SDK2: variants seen among roughly 807,000 people sequenced by gnomAD.
SDK2 encodes the protein protein sidekick-2.
In SDK2, 105 loss-of-function variants were observed where a neutral mutation model predicts 253.9. That is an observed-to-expected ratio of 0.41 (90% confidence interval 0.35 to 0.49). SDK2 has a LOEUF of 0.49. SDK2 is among the 20% of genes least tolerant of loss of function. The pLI, the probability that SDK2 is intolerant of heterozygous loss-of-function variation, is 0.06. For missense variants in SDK2, 2,608 were observed against 3,003.0 expected, an observed-to-expected ratio of 0.87 and a Z score of 3.07; for synonymous variants, 1,249 against 1,234.9, an observed-to-expected ratio of 1.01 and a Z score of -0.24.
intron 1 of SDK2, among the ~76,000 whole-genome samples, chr17:73,549,296 C>T (rs1402805626): frequency 1.3e-5 from 2 of 152,186 alleles, no homozygotes; most frequent in Non-Finnish European, 2.9e-5. Flanking sequence ...CAGCTGCCAG[C>T]CACCTGGGCT....
At chr17:73,417,240 C>T (rs2063190159) in intron 16 of SDK2, among the ~76,000 whole-genome samples, 1 of 69,080 alleles carries the variant, frequency 1.4e-5, no homozygotes, top group Admixed American at 1.8e-4. Context: ...CTTGTCTCTA[C>T]TAAAAAAAAA....
At chr17:73,349,852 C>T (rs2145393162) in intron 43 of SDK2, among the ~76,000 whole-genome samples, 1 of 152,306 alleles carries the variant, frequency 6.6e-6, no homozygotes, top group African/African-American at 2.4e-5. Context: ...GCCTGTCTTG[C>T]CTTTGGGGCC....
chr17:73,396,196 C>T (rs932175312), intron 24 of SDK2, among the ~76,000 whole-genome samples: 2 of 152,198 alleles, frequency 1.3e-5, no homozygotes, highest in African/African-American at 4.8e-5. Context: ...TTGTTTGAGT[C>T]TCACAGAAAA....
chr17:73,580,095 G>A (rs1019912229), intron 1 of SDK2, among the ~76,000 whole-genome samples: 1 of 152,032 alleles, frequency 6.6e-6, no homozygotes, highest in African/African-American at 2.4e-5. Flanking sequence ...AAAGCGACCT[G>A]AAGACACCTT....
At chr17:73,392,907 T>C (rs2062939831) in intron 27 of SDK2, among the ~76,000 whole-genome samples, 1 of 152,134 alleles carries the variant, frequency 6.6e-6, no homozygotes, top group African/African-American at 2.4e-5. Flanking sequence ...GGAAAAATAC[T>C]TTCACAGACC....
chr17:73,628,205 C>T (rs2046226559), intron 1 of SDK2, among the ~76,000 whole-genome samples: 1 of 152,264 alleles, frequency 6.6e-6, no homozygotes, highest in African/African-American at 2.4e-5. Context: ...ATATGGCCTC[C>T]TCAGGAGCAC....
At chr17:73,493,177 T>C (rs747406461) in intron 2 of SDK2, among the ~76,000 whole-genome samples, 9 of 152,130 alleles carry the variant, frequency 5.9e-5, no homozygotes, top group Non-Finnish European at 1.3e-4. Context: ...CCCATGTCTG[T>C]GCACCCGTTA....
rs571026413 is a variant in SDK2 at position 73,530,313 on chromosome 17, G to A, written c.65-22716C>T. Among the ~76,000 whole-genome samples, 3 of 152,294 alleles carry A rather than the reference G, an allele frequency of 2.0e-5. No individual in the cohort carries two copies. In the South Asian group the frequency reaches 6.2e-4, roughly 32 times the overall value. ...TGGCAGAAGGCGAAGGGGAAGCAAG[G>A]CACGTCTTACATGGTAGCAGGAGAG... On this transcript the variant is annotated intron_variant, in intron 1 of 44. Coordinates refer to ENST00000392650, the MANE Select transcript of SDK2 (RefSeq NM_001144952.2).
Position 73,387,205 on chromosome 17 carries a change from C to T in SDK2, c.4394+631G>A, listed in dbSNP as rs567648377. On this transcript the variant is annotated intron_variant, in intron 30 of 44. Transcript: ENST00000392650. ...AAACTCCTGACCTCAAGTGATCCTC[C>T]CGCCTCGGCCTCCCAAAGTGCTGGG... is the stretch of plus-strand genomic sequence containing the variant. Among the ~76,000 whole-genome samples, 601 of 152,342 alleles carry T rather than the reference C, an allele frequency of 3.9e-3. 3 individuals carry two copies. The highest frequency in any genetic ancestry group is 6.8e-3 in the Non-Finnish European group (462 of 68,038).
intron 39 of SDK2, among the ~76,000 whole-genome samples, chr17:73,360,158 G>T (rs1202144327): frequency 6.6e-6 from 1 of 152,206 alleles, no homozygotes; most frequent in Non-Finnish European, 1.5e-5. Flanking sequence ...CAGGAAGCTG[G>T]CTCAGGTGAG....
chr17:73,412,221 C>A (rs1299907097), intron 18 of SDK2, among the ~76,000 whole-genome samples: 1 of 148,294 alleles, frequency 6.7e-6, no homozygotes, highest in Non-Finnish European at 1.5e-5. Flanking sequence ...TATGCATATA[C>A]ACATATACAT....
rs146229407 is a variant in SDK2 at position 73,395,078 on chromosome 17, G to A, written c.3592+77C>T. The A allele has an allele frequency of 2.5e-5, 28 of 1,134,386 alleles. No homozygotes were observed. The highest frequency in any genetic ancestry group is 3.3e-5 in the Non-Finnish European group (26 of 795,080). The allele number at this position is 1,134,386 out of a possible 1,614,324, so 70.3% of individuals were successfully genotyped here. A position where few individuals can be genotyped will look rare whatever the true frequency, so the allele number is the denominator to read the frequency against. ...TTGAACAACACCTTCAGCCTGGCAC[G>A]CGCTTGGATGACCCTGAGGGCATAG... On this transcript the variant is annotated intron_variant, in intron 25 of 44. Transcript: ENST00000392650. The surrounding 1 kb of genome is among the most constrained non-coding windows in gnomAD (Gnocchi z 4.3).
In SDK2 at chr17:73,618,202, C is replaced by T. The variant is rs932833782; in HGVS notation, c.64+25823G>A. On this transcript the variant is annotated intron_variant, in intron 1 of 44. Transcript: ENST00000392650. This position sits in a 1 kb window ranked among gnomAD's most constrained non-coding sequence, Gnocchi z 4.1. ...TGCTAACCCAAACCCATTCATTAGC[C>T]TGTAAATGACGCAGCTCTTATACCT... is the stretch of plus-strand genomic sequence containing the variant. Among the ~76,000 whole-genome samples, 2 of 152,214 alleles carry T rather than the reference C, an allele frequency of 1.3e-5. No individual in the cohort carries two copies. The highest frequency in any genetic ancestry group is 4.8e-5 in the African/African-American group (2 of 41,450).
At chr17:73,480,886 C>T (rs2063718574) in intron 2 of SDK2, among the ~76,000 whole-genome samples, 1 of 152,206 alleles carries the variant, frequency 6.6e-6, no homozygotes, top group African/African-American at 2.4e-5. Context: ...ACAGCCAGGG[C>T]ACCTCAGGAA....
intron 2 of SDK2, among the ~76,000 whole-genome samples, chr17:73,497,143 C>T (rs981514600): frequency 9.9e-5 from 15 of 152,204 alleles, no homozygotes; most frequent in Admixed American, 5.9e-4. Context: ...GGTGATCCAC[C>T]CACCTTGGCC....
chr17:73,509,427 GAC>G, intron 1 of SDK2, among the ~76,000 whole-genome samples: 1 of 152,114 alleles, frequency 6.6e-6, no homozygotes, highest in African/African-American at 2.4e-5. Context: ...ATCTTGGTCA[GAC>G]AGCTAACTTT....
Position 73,350,638 on chromosome 17 carries a change from C to T in SDK2, c.5899+12G>A. ...CAAGTCCAGCCAGCATGGCTGGTGC[C>T]AGCTCACTCACCCGAGTCTGTCTTC... On this transcript the variant is annotated intron_variant, in intron 42 of 44. Transcript: ENST00000392650. 6.2e-7 allele frequency: 1 copy of T among 1,607,504 alleles called. No individual in the cohort carries two copies.
chr17:73,553,542 T>G (rs2045096675), intron 1 of SDK2, among the ~76,000 whole-genome samples: 1 of 152,094 alleles, frequency 6.6e-6, no homozygotes, highest in African/African-American at 2.4e-5. Context: ...GGAGCTGCCC[T>G]CTCAGAAGCC....
chr17:73,572,632 T>C (rs1043455931), intron 1 of SDK2, among the ~76,000 whole-genome samples: 4 of 152,188 alleles, frequency 2.6e-5, no homozygotes, highest in African/African-American at 9.7e-5. Context: ...TCTGTTTTTG[T>C]CTCATCTCCA....
Sources: gnomAD v4.1 joint callset for allele counts (sites outside exome capture counted in the v4.1 genomes callset) on GRCh38, gnomAD v4.1.1 for gene constraint, Gnocchi (gnomAD v3.1) non-coding constraint, MANE v1.5 for transcripts, NCBI Gene and HGNC (gene_info 2026-07-23, HGNC 2026-07-21) for gene names.